WDR49: variants seen among roughly 807,000 people sequenced by gnomAD.
WDR49 encodes WD repeat domain 49.
Under a neutral mutation model 119.5 loss-of-function variants are expected in WDR49, and 107 were observed. The ratio of observed to expected loss-of-function variants is 0.90; its 90% confidence interval spans 0.77 to 1.05. The LOEUF (loss-of-function observed/expected upper bound fraction) is 1.05, where lower values mean the gene tolerates loss of function less well. WDR49 is among the 50% of genes least tolerant of loss of function. The pLI is 0.00. For missense variants in WDR49, 1,240 were observed against 1,220.5 expected (o/e 1.02, Z -0.24); for synonymous variants, 425 against 418.8 (o/e 1.01, Z -0.18).
rs759395835 is a variant in WDR49, at chr3:167,478,906, C to CT, written c.3121dup (p.Ser1041LysfsTer3). 6.2e-7 allele frequency: 1 copy of CT among 1,608,184 alleles called. No individual in the cohort carries two copies. Among genetic ancestry groups the CT allele is most frequent in the Non-Finnish European group, 8.5e-7 (1 of 1,178,686 alleles). On this transcript the variant is annotated frameshift_variant, in exon 19 of 19. Transcript: ENST00000682715. LOFTEE classifies it high-confidence loss of function. ...CTTCTTATTTTTCTTCACTTCACAA[C>CT]TTTTTTCTTGGCATAATTGCTTGGC...
At chr3:167,537,157 C>T (rs756246021) in intron 10 of WDR49, among the ~76,000 whole-genome samples, 157 bp from the exon 11 acceptor site, 1 of 152,082 alleles carries the variant, frequency 6.6e-6, no homozygotes, top group Non-Finnish European at 1.5e-5. Context: ...GTTTCCCACA[C>T]TAAACATTTT....
At chr3:167,644,703 T>C (rs556750433) in intron 2 of WDR49, among the ~76,000 whole-genome samples, 1 of 152,292 alleles carries the variant, frequency 6.6e-6, no homozygotes, top group South Asian at 2.1e-4. Context: ...GAATTGCTGA[T>C]TAAAAAGTAT....
chr3:167,550,615 G>A (rs899273680), intron 10 of WDR49, among the ~76,000 whole-genome samples: 1 of 151,978 alleles, frequency 6.6e-6, no homozygotes, highest in Admixed American at 6.6e-5. Flanking sequence ...ATCATTTCAA[G>A]ATGTATACAA....
chr3:167,519,393 C>G (rs554064226), intron 16 of WDR49, among the ~76,000 whole-genome samples: 1 of 152,232 alleles, frequency 6.6e-6, no homozygotes, highest in African/African-American at 2.4e-5. Context: ...AACCCAAATG[C>G]CCATCAATGA....
intron 18 of WDR49, among the ~76,000 whole-genome samples, chr3:167,479,997 G>A (rs1332545570): frequency 3.9e-5 from 6 of 151,920 alleles, no homozygotes; most frequent in African/African-American, 1.5e-4. Flanking sequence ...TTGGGAGGCC[G>A]AGGCAGGTGA....
intron 2 of WDR49, among the ~76,000 whole-genome samples, chr3:167,648,190 G>T (rs1303189933): frequency 6.6e-6 from 1 of 152,086 alleles, no homozygotes; most frequent in East Asian, 1.9e-4. Flanking sequence ...TTTATGCCGT[G>T]CCTATGTTTC....
rs1483434871 is a variant in WDR49, at chr3:167,537,013, A to T, written c.1824-13T>A. The T allele has an allele frequency of 6.4e-7, 1 of 1,564,854 alleles. No individual in the cohort carries two copies. Among genetic ancestry groups the T allele is most frequent in the African/African-American group, 1.4e-5 (1 of 72,542 alleles). ...CACAGTAATAGCCCTAGCAAAAAGG[A>T]TATAGAATTTAGCTGTGGATCTAAA... On this transcript the variant is annotated splice_polypyrimidine_tract_variant and intron_variant, in intron 10 of 18. Coordinates refer to ENST00000682715, the MANE Select transcript of WDR49 (RefSeq NM_001366157.1).
intron 16 of WDR49, among the ~76,000 whole-genome samples, chr3:167,505,903 T>A (rs1018543741): frequency 6.6e-6 from 1 of 152,214 alleles, no homozygotes; most frequent in African/African-American, 2.4e-5. Context: ...TTAGCGTAAC[T>A]TGAATTCACA....
chr3:167,625,893 A>G (rs1410413258), intron 3 of WDR49, among the ~76,000 whole-genome samples: 1 of 151,728 alleles, frequency 6.6e-6, no homozygotes, highest in East Asian at 1.9e-4. Flanking sequence ...TTTCTTTAAC[A>G]AAAACATCAA....
chr3:167,501,318 A>G (rs776025876), intron 17 of WDR49, among the ~76,000 whole-genome samples: 1 of 152,246 alleles, frequency 6.6e-6, no homozygotes, highest in African/African-American at 2.4e-5. Context: ...CTCAGTTCAT[A>G]TAACTGTTAA....
At chr3:167,553,132 T>TA (rs1712674873) in intron 10 of WDR49, among the ~76,000 whole-genome samples, 1 of 152,102 alleles carries the variant, frequency 6.6e-6, no homozygotes, top group African/African-American at 2.4e-5. Context: ...TATCTTAACA[T>TA]AAAGCCTCTG....
intron 16 of WDR49, among the ~76,000 whole-genome samples, chr3:167,516,691 G>A (rs1752220558): frequency 6.6e-6 from 1 of 152,056 alleles, no homozygotes; most frequent in African/African-American, 2.4e-5. Flanking sequence ...TTCCACAATG[G>A]TTGAACGAGC....
At chr3:167,569,595 G>A (rs569947628) in intron 8 of WDR49, among the ~76,000 whole-genome samples, 2 of 151,572 alleles carry the variant, frequency 1.3e-5, no homozygotes, top group African/African-American at 4.8e-5. Flanking sequence ...TACTCAGGAA[G>A]CTGAGGCAGG....
In WDR49 at chr3:167,626,001, C is replaced by T. The variant is rs559644586; in HGVS notation, c.606+851G>A. On this transcript the variant is annotated intron_variant, in intron 3 of 18. Coordinates refer to ENST00000682715, the MANE Select transcript of WDR49 (RefSeq NM_001366157.1). Reference sequence around the variant, plus strand: ...ATATTAACCATTCACGATGTTTGGACCTTATTCAGATCTTCGTTGAAACAA... The same window carrying T: ...ATATTAACCATTCACGATGTTTGGATCTTATTCAGATCTTCGTTGAAACAA... Among the ~76,000 whole-genome samples the T allele has an allele frequency of 4.0e-5, 6 of 151,316 alleles. No individual in the cohort carries two copies. The South Asian group carries it at 1.3e-3, about 32-fold the overall frequency.
At chr3:167,596,903 A>T (rs1715489739) in intron 7 of WDR49, among the ~76,000 whole-genome samples, 1 of 150,228 alleles carries the variant, frequency 6.7e-6, no homozygotes, top group Admixed American at 6.6e-5. Context: ...TAAATAAATA[A>T]AGATGTTTGC....
chr3:167,559,866 T>C (rs1246419272), intron 9 of WDR49, among the ~76,000 whole-genome samples, 198 bp downstream of exon 9: 1 of 152,146 alleles, frequency 6.6e-6, no homozygotes, highest in African/African-American at 2.4e-5. Flanking sequence ...TCAGAAAAAT[T>C]ATTTATTCAT....
At chr3:167,614,856 G>C (rs746389440) in intron 5 of WDR49, among the ~76,000 whole-genome samples, 1 of 152,176 alleles carries the variant, frequency 6.6e-6, no homozygotes, top group African/African-American at 2.4e-5. Context: ...AGAGTTCTAA[G>C]AATATTGAAT....
At chr3:167,568,620 A>G (rs1713749762) in intron 8 of WDR49, among the ~76,000 whole-genome samples, 1 of 152,188 alleles carries the variant, frequency 6.6e-6, no homozygotes, top group South Asian at 2.1e-4. Flanking sequence ...CCTATGGTAC[A>G]TATCAAGCAA....
intron 16 of WDR49, among the ~76,000 whole-genome samples, chr3:167,510,454 T>G (rs992289451): frequency 6.6e-6 from 1 of 152,174 alleles, no homozygotes; most frequent in Non-Finnish European, 1.5e-5. Flanking sequence ...TTTATTTTTT[T>G]AGAAGTTTTT....
Sources: gnomAD v4.1 joint callset for allele counts (sites outside exome capture counted in the v4.1 genomes callset) on GRCh38, gnomAD v4.1.1 for gene constraint, MANE v1.5 for transcripts, NCBI Gene and HGNC (gene_info 2026-07-23, HGNC 2026-07-21) for gene names.